Variants in PDE4B observed in about 807,000 individuals in gnomAD.
PDE4B encodes the protein phosphodiesterase 4B.
PDE4B carries 20 observed loss-of-function variants against 82.2 expected under a neutral mutation model. The ratio of observed to expected loss-of-function variants is 0.24; its 90% CI spans 0.17 to 0.35. PDE4B has a LOEUF of 0.35. Among genes scored for constraint, PDE4B ranks in the 10% least tolerant of loss-of-function variants. The pLI, the probability that PDE4B is intolerant of heterozygous loss-of-function variation, is 1.00. For missense variants in PDE4B, 655 were observed against 907.2 expected, an observed-to-expected ratio of 0.72 and a Z score of 3.57; for synonymous variants, 320 against 318.9, an observed-to-expected ratio of 1.00 and a Z score of -0.04.
chr1:66,346,539 C>T (rs750190497), intron 8 of PDE4B, among the ~76,000 whole-genome samples: 14 of 152,172 alleles, frequency 9.2e-5, no homozygotes, highest in Non-Finnish European at 1.5e-4. Flanking sequence ...TTCTTGTTTA[C>T]GCTCCTTAGA....
At chr1:66,281,033 G>A (rs1162254491) in intron 7 of PDE4B, among the ~76,000 whole-genome samples, 6 of 152,166 alleles carry the variant, frequency 3.9e-5, no homozygotes, top group African/African-American at 1.4e-4. Context: ...ACAGGCCTGG[G>A]TATCTATGCT....
At position 65,926,402 on chromosome 1, in the gene PDE4B, C is replaced by A. The variant is rs532872000; in HGVS notation, c.281+7567C>A. 8.3e-4 allele frequency among the ~76,000 whole-genome samples: 127 copies of A among 152,244 alleles called. 1 individual carries two copies. The highest frequency in any genetic ancestry group is 2.9e-3 in the African/African-American group (122 of 41,544). On this transcript the variant is annotated intron_variant, in intron 3 of 16. Coordinates refer to ENST00000341517, the MANE Select transcript of PDE4B (RefSeq NM_002600.4). ...TCCTTTCATCCCACACTTGTTTTGGCTATAAAATTGCCTTTAGTACATTCT... is the reference window on the plus strand; with the variant it reads ...TCCTTTCATCCCACACTTGTTTTGGATATAAAATTGCCTTTAGTACATTCT...
chr1:66,114,738 C>A (rs999544198), intron 3 of PDE4B, among the ~76,000 whole-genome samples: 1 of 149,916 alleles, frequency 6.7e-6, no homozygotes, highest in Non-Finnish European at 1.5e-5. Flanking sequence ...TGGGTTCAAG[C>A]GATTCTCCTG....
chr1:66,247,338 T>C (rs1653393493), intron 3 of PDE4B, 122 bp from the exon 4 acceptor site: 1 of 552,322 alleles, frequency 1.8e-6, no homozygotes, highest in Admixed American at 2.9e-5. Context: ...CTTTCCATAG[T>C]ACATACAGTT....
intron 3 of PDE4B, among the ~76,000 whole-genome samples, chr1:66,035,969 A>T (rs982190455): frequency 2.6e-5 from 4 of 152,204 alleles, no homozygotes; most frequent in African/African-American, 9.7e-5. Context: ...TCAATAATAT[A>T]AAGTCTTCCC....
chr1:66,234,442 C>G (rs1041701539), intron 3 of PDE4B, among the ~76,000 whole-genome samples: 2 of 152,120 alleles, frequency 1.3e-5, no homozygotes, highest in African/African-American at 4.8e-5. Flanking sequence ...GTGCATGCCA[C>G]TATATCTAGC....
intron 3 of PDE4B, among the ~76,000 whole-genome samples, chr1:66,010,036 G>T (rs1218738502): frequency 6.6e-6 from 1 of 151,538 alleles, no homozygotes; most frequent in African/African-American, 2.4e-5. Context: ...AAAGAACTTT[G>T]TCTATTTTAT....
At chr1:66,325,614 T>A (rs1659696123) in intron 7 of PDE4B, among the ~76,000 whole-genome samples, 1 of 152,198 alleles carries the variant, frequency 6.6e-6, no homozygotes. Context: ...ACCAACAGTC[T>A]CTAACTTAAG....
At chr1:65,825,390 C>A (rs750889714) in intron 1 of PDE4B, among the ~76,000 whole-genome samples, 2 of 152,176 alleles carry the variant, frequency 1.3e-5, no homozygotes, top group Non-Finnish European at 2.9e-5. Flanking sequence ...GGAATGAACC[C>A]TGGAAATACT....
chr1:65,820,443 G>A (rs1256259193), intron 1 of PDE4B, among the ~76,000 whole-genome samples: 1 of 152,190 alleles, frequency 6.6e-6, no homozygotes, highest in Non-Finnish European at 1.5e-5. Context: ...AAGATTAATT[G>A]AAGTATTGCT....
At chr1:66,094,109 G>A (rs1411826282) in intron 3 of PDE4B, among the ~76,000 whole-genome samples, 1 of 152,032 alleles carries the variant, frequency 6.6e-6, no homozygotes, top group Non-Finnish European at 1.5e-5. Context: ...GCATTAAAAA[G>A]TGATCAAGTA....
intron 3 of PDE4B, among the ~76,000 whole-genome samples, chr1:66,052,223 G>A (rs926730425): frequency 6.6e-6 from 1 of 152,114 alleles, no homozygotes; most frequent in Non-Finnish European, 1.5e-5. Flanking sequence ...TATTTGAAAT[G>A]TCCGTAAAGT....
At chr1:65,859,558 G>A (rs539624820) in intron 1 of PDE4B, among the ~76,000 whole-genome samples, 95 of 152,150 alleles carry the variant, frequency 6.2e-4, no homozygotes, top group Non-Finnish European at 1.3e-3. Context: ...ATTCAGTTTT[G>A]TTGTAGAAAG....
intron 8 of PDE4B, among the ~76,000 whole-genome samples, chr1:66,339,854 T>G (rs1246475260): frequency 3.3e-5 from 5 of 150,858 alleles, no homozygotes; most frequent in African/African-American, 7.3e-5. Context: ...TTTGTTGTTT[T>G]TTTTTTTTTA....
intron 3 of PDE4B, among the ~76,000 whole-genome samples, chr1:66,179,318 G>A (rs1647010723): frequency 1.3e-5 from 2 of 152,156 alleles, no homozygotes; most frequent in Non-Finnish European, 2.9e-5. Context: ...AGAAAGCAAT[G>A]ATAATTTTTT....
At chr1:65,795,845 C>T (rs190614547) in intron 1 of PDE4B, among the ~76,000 whole-genome samples, 6 of 152,350 alleles carry the variant, frequency 3.9e-5, no homozygotes, top group Admixed American at 1.3e-4. Flanking sequence ...CTTTGAACTT[C>T]ATTTCAGAAT....
intron 3 of PDE4B, among the ~76,000 whole-genome samples, chr1:66,132,246 A>G (rs2101114912): frequency 6.6e-6 from 1 of 152,230 alleles, no homozygotes; most frequent in Non-Finnish European, 1.5e-5. Context: ...TGAAGAGGAG[A>G]TAGTTGGAGA....
At chr1:65,971,025 T>C (rs542243178) in intron 3 of PDE4B, among the ~76,000 whole-genome samples, 4 of 150,306 alleles carry the variant, frequency 2.7e-5, no homozygotes, top group African/African-American at 7.4e-5. Flanking sequence ...ACTAAAGGGA[T>C]TGGAATTTAT....
intron 3 of PDE4B, among the ~76,000 whole-genome samples, chr1:66,213,509 T>C (rs768179231): frequency 6.6e-6 from 1 of 152,208 alleles, no homozygotes; most frequent in Non-Finnish European, 1.5e-5. Flanking sequence ...CTATAATCAC[T>C]TTTACTGCAA....
Sources: allele counts gnomAD v4.1 joint callset (sites outside exome capture counted in the v4.1 genomes callset), GRCh38; gene constraint gnomAD v4.1.1; transcripts MANE v1.5; gene names NCBI Gene and HGNC (gene_info 2026-07-23, HGNC 2026-07-21).